The following CELF4 variants were observed in gnomAD, a reference collection of about 807,000 sequenced individuals.
CELF4 encodes the protein CUGBP Elav-like family member 4.
CELF4 carries 18 observed loss-of-function variants against 59.9 expected under a neutral mutation model. The ratio of observed to expected loss-of-function variants is 0.30; its 90% CI spans 0.21 to 0.45. The LOEUF is 0.45. Among genes scored for constraint, CELF4 ranks in the 20% least tolerant of loss-of-function variants. The probability of loss-of-function intolerance (pLI) is 1.00; values close to 1 mark genes in which losing one functional copy is unlikely to be tolerated. For missense variants in CELF4, 456 were observed against 689.0 expected (o/e 0.66, Z 3.79); for synonymous variants, 261 against 267.1 (o/e 0.98, Z 0.22).
intron 1 of CELF4, among the ~76,000 whole-genome samples, chr18:37,561,857 A>G (rs1250348673): frequency 6.6e-6 from 1 of 152,132 alleles, no homozygotes; most frequent in African/African-American, 2.4e-5. Context: ...CAATAGTACA[A>G]TGTCTTTCTC....
intron 2 of CELF4, among the ~76,000 whole-genome samples, chr18:37,477,878 C>T (rs2099854672): frequency 6.6e-6 from 1 of 152,174 alleles, no homozygotes; most frequent in Non-Finnish European, 1.5e-5. Flanking sequence ...TGATCCAAGC[C>T]ACATTGGGGC....
chr18:37,424,299 G>A (rs2099598701), intron 2 of CELF4, among the ~76,000 whole-genome samples: 1 of 152,146 alleles, frequency 6.6e-6, no homozygotes, highest in African/African-American at 2.4e-5. Context: ...ATGGAGCCAA[G>A]GAGAGGTGGG....
chr18:37,397,121 C>A (rs561999784), intron 2 of CELF4, among the ~76,000 whole-genome samples: 1 of 152,260 alleles, frequency 6.6e-6, no homozygotes, highest in East Asian at 1.9e-4. Context: ...TCCCCACAAA[C>A]CCTCATGCCT....
intron 7 of CELF4, 38 bp downstream of exon 7, chr18:37,272,978 C>A: frequency 6.3e-7 from 1 of 1,580,596 alleles, no homozygotes; most frequent in Non-Finnish European, 8.6e-7. Context: ...GCTGTTCTCC[C>A]ACCGGGCCAG....
At chr18:37,485,631 G>C (rs1223319371) in intron 1 of CELF4, 24 bp from the exon 2 acceptor site, 1 of 1,403,344 alleles carries the variant, frequency 7.1e-7, no homozygotes, top group Non-Finnish European at 9.4e-7. Flanking sequence ...CAAGCGCCAA[G>C]AAGGGTCAGT....
At chr18:37,405,687 C>T (rs914425504) in intron 2 of CELF4, among the ~76,000 whole-genome samples, 2 of 152,214 alleles carry the variant, frequency 1.3e-5, no homozygotes, top group African/African-American at 2.4e-5. Flanking sequence ...TTTTAAGAAC[C>T]TGTGGCTATG....
intron 2 of CELF4, among the ~76,000 whole-genome samples, chr18:37,457,953 A>C (rs1259548917): frequency 6.6e-6 from 1 of 151,218 alleles, no homozygotes; most frequent in Non-Finnish European, 1.5e-5. Context: ...CAGGGAGAGG[A>C]TGTGACGAGC....
chr18:37,442,151 T>G (rs986192111), intron 2 of CELF4, among the ~76,000 whole-genome samples: 1 of 150,642 alleles, frequency 6.6e-6, no homozygotes, highest in Admixed American at 6.6e-5. Flanking sequence ...TTTGGGAGGG[T>G]GAATGGAGGA....
At chr18:37,524,595 G>T (rs1282285293) in intron 1 of CELF4, among the ~76,000 whole-genome samples, 1 of 152,048 alleles carries the variant, frequency 6.6e-6, no homozygotes, top group Non-Finnish European at 1.5e-5. Context: ...GCCCCGGAGC[G>T]GGAAGATCCA....
intron 1 of CELF4, among the ~76,000 whole-genome samples, chr18:37,549,527 C>T (rs1233858377): frequency 6.6e-6 from 1 of 152,242 alleles, no homozygotes; most frequent in Non-Finnish European, 1.5e-5. Context: ...TGCTGGCACA[C>T]ATCCTGAGCC....
At chr18:37,376,415 A>G (rs563969584) in intron 2 of CELF4, among the ~76,000 whole-genome samples, 1 of 152,260 alleles carries the variant, frequency 6.6e-6, no homozygotes, top group South Asian at 2.1e-4. Context: ...CAGCCAGGCC[A>G]CTTCTCTGCC....
At chr18:37,393,921 A>T (rs1344524468) in intron 2 of CELF4, among the ~76,000 whole-genome samples, 1 of 149,996 alleles carries the variant, frequency 6.7e-6, no homozygotes, top group Non-Finnish European at 1.5e-5. Context: ...AAGGGAAAAA[A>T]AAAAAGGCAA....
chr18:37,373,745 C>T (rs920782190), intron 2 of CELF4, among the ~76,000 whole-genome samples: 1 of 152,160 alleles, frequency 6.6e-6, no homozygotes, highest in Non-Finnish European at 1.5e-5. Flanking sequence ...GGGGAGGGTC[C>T]AGGGAGGCTG....
intron 2 of CELF4, among the ~76,000 whole-genome samples, chr18:37,467,702 C>G (rs1011237649): frequency 1.3e-5 from 2 of 152,182 alleles, no homozygotes; most frequent in African/African-American, 4.8e-5. Flanking sequence ...CAGACAGATG[C>G]TGTGATTAGC....
intron 2 of CELF4, among the ~76,000 whole-genome samples, chr18:37,349,807 TTC>T (rs1257283668): frequency 6.6e-6 from 1 of 152,030 alleles, no homozygotes; most frequent in Admixed American, 6.6e-5. Context: ...GAGAAGGGCA[TTC>T]GGGCAGCAGG....
At chr18:37,386,468 G>T (rs1448143853) in intron 2 of CELF4, among the ~76,000 whole-genome samples, 1 of 152,186 alleles carries the variant, frequency 6.6e-6, no homozygotes, top group Non-Finnish European at 1.5e-5. Context: ...CCAGCTTGAG[G>T]GAGAACCAGC....
At chr18:37,279,683 C>T (rs2093874966) in intron 3 of CELF4, among the ~76,000 whole-genome samples, 1 of 152,188 alleles carries the variant, frequency 6.6e-6, no homozygotes, top group African/African-American at 2.4e-5. Context: ...TACACAAGTC[C>T]CCAAACAAGA....
intron 2 of CELF4, among the ~76,000 whole-genome samples, chr18:37,425,627 CTG>C (rs2099607253): frequency 1.3e-5 from 2 of 152,260 alleles, no homozygotes; most frequent in Admixed American, 6.5e-5. Context: ...AGAGCAGACA[CTG>C]TGCACTCGTC....
At chr18:37,285,067 C>T (rs1256215183) in intron 3 of CELF4, among the ~76,000 whole-genome samples, 1 of 152,184 alleles carries the variant, frequency 6.6e-6, no homozygotes, top group Non-Finnish European at 1.5e-5. Context: ...TTTTTGAGAG[C>T]TAGGGCTTTG....
Sources: gnomAD v4.1 joint callset for allele counts (sites outside exome capture counted in the v4.1 genomes callset) on GRCh38, gnomAD v4.1.1 for gene constraint, MANE v1.5 for transcripts, NCBI Gene and HGNC (gene_info 2026-07-23, HGNC 2026-07-21) for gene names.